The following PLEKHG1 variants were observed in gnomAD, a reference collection of about 807,000 sequenced individuals.
The protein encoded by PLEKHG1 is pleckstrin homology and RhoGEF domain containing G1.
A neutral mutation model predicts 100.8 loss-of-function variants in PLEKHG1; 44 were observed. That is an observed-to-expected ratio of 0.44 (90% CI 0.34 to 0.56). The LOEUF is 0.56. Ranked by LOEUF, PLEKHG1 falls within the 20% of genes least tolerant of loss-of-function variation. The pLI, the probability that PLEKHG1 is intolerant of heterozygous loss-of-function variation, is 0.01. For synonymous variants in PLEKHG1, 640 were observed against 662.5 expected, an observed-to-expected ratio of 0.97 and a Z score of 0.52; for missense variants, 1,545 against 1,720.9, an observed-to-expected ratio of 0.90 and a Z score of 1.81.
At chr6:150,746,962 CT>C (rs1312712833) in intron 2 of PLEKHG1, among the ~76,000 whole-genome samples, 2 of 152,190 alleles carry the variant, frequency 1.3e-5, no homozygotes, top group Non-Finnish European at 2.9e-5. Context: ...TTAGGCTTTG[CT>C]TTTAAGGCAA....
intron 2 of PLEKHG1, among the ~76,000 whole-genome samples, chr6:150,753,425 G>A (rs990347208): frequency 2.0e-5 from 3 of 152,140 alleles, no homozygotes; most frequent in Non-Finnish European, 4.4e-5. Flanking sequence ...GTTTCATAAT[G>A]GGGCTTACGG....
chr6:150,770,799 G>A (rs1394353114), intron 3 of PLEKHG1, among the ~76,000 whole-genome samples: 1 of 152,144 alleles, frequency 6.6e-6, no homozygotes, highest in Non-Finnish European at 1.5e-5. Flanking sequence ...GTCCACTAAT[G>A]GTCCTGTAAC....
At chr6:150,808,112 C>T (rs545900986) in intron 7 of PLEKHG1, among the ~76,000 whole-genome samples, 72 of 152,224 alleles carry the variant, frequency 4.7e-4, no homozygotes, top group African/African-American at 1.6e-3. Flanking sequence ...CTGGAGGTGA[C>T]GGAGGCCCAT....
chr6:150,633,748 G>A (rs1193352525), intron 1 of PLEKHG1, among the ~76,000 whole-genome samples: 2 of 152,158 alleles, frequency 1.3e-5, no homozygotes, highest in East Asian at 3.9e-4. Context: ...AGGAGAGAGG[G>A]AGCGTAGGCT....
rs1316548972 is a variant in PLEKHG1 at position 150,830,556 on chromosome 6, AGTTGATAT to A, written c.1471-22_1471-15del. On this transcript the variant is annotated intron_variant, in intron 14 of 15. Coordinates refer to ENST00000358517, the Ensembl canonical transcript of PLEKHG1. ...TGTCTTCTCCATGGTGCTGTGATTCAGTTGATATGTTTCCATCTTCCTCAGGTTTCTAG... is the reference window on the plus strand; with the variant it reads ...TGTCTTCTCCATGGTGCTGTGATTCAGTTTCCATCTTCCTCAGGTTTCTAG... 6.6e-7 allele frequency: 1 copy of A among 1,525,036 alleles called. No individual in the cohort carries two copies. Among genetic ancestry groups the A allele is most frequent in the Non-Finnish European group, 8.9e-7 (1 of 1,122,422 alleles). 94.5% of individuals were successfully genotyped at this position (1,525,036 alleles called of 1,614,324 possible). A position where few individuals can be genotyped will look rare whatever the true frequency, so the allele number is the denominator to read the frequency against.
intron 3 of PLEKHG1, among the ~76,000 whole-genome samples, chr6:150,781,972 G>T (rs1435293146): frequency 1.3e-5 from 2 of 151,770 alleles, no homozygotes; most frequent in African/African-American, 2.4e-5. Flanking sequence ...TAGAGACAGG[G>T]TTTCGCTGTG....
chr6:150,679,997 AG>A (rs1377396282), intron 3 of PLEKHG1, among the ~76,000 whole-genome samples: 2 of 152,146 alleles, frequency 1.3e-5, no homozygotes, highest in Non-Finnish European at 2.9e-5. Context: ...AAAGTCAGCA[AG>A]GGGGCCAGGA....
intron 10 of PLEKHG1, among the ~76,000 whole-genome samples, chr6:150,810,527 A>AAAGAAAGAAAGAAAGAAAGAAAGAAAAGG (rs1562540240): frequency 1.1e-5 from 1 of 88,060 alleles, no homozygotes; most frequent in Admixed American, 1.0e-4. Context: ...AGAAAGAAAG[A>AAAGAAAGAAAGAAAGAAAGAAAGAAAAGG]AAGAAAGAAA....
rs144602167 is a variant in PLEKHG1 at position 150,739,602 on chromosome 6, A to C, written c.411+5510A>C. ...AGAATGGCTTGAACCTAGGAGGCGG[A>C]GGTTGCAGTGAGCCGAGATCGTGCC... is the stretch of plus-strand genomic sequence containing the variant. On this transcript the variant is annotated intron_variant, in intron 2 of 15. Coordinates refer to ENST00000358517, the Ensembl canonical transcript of PLEKHG1. Among the ~76,000 whole-genome samples, 1,271 of 152,030 alleles carry C rather than the reference A, an allele frequency of 8.4e-3. 21 individuals carry two copies. The highest frequency in any genetic ancestry group is 0.029 in the African/African-American group (1,201 of 41,442).
At chr6:150,644,622 G>A (rs559898738) in intron 2 of PLEKHG1, among the ~76,000 whole-genome samples, 1 of 152,116 alleles carries the variant, frequency 6.6e-6, no homozygotes, top group African/African-American at 2.4e-5. Context: ...GAGCCACTGT[G>A]CCCAGCCGAT....
intron 2 of PLEKHG1, among the ~76,000 whole-genome samples, chr6:150,641,195 G>A (rs1360065093): frequency 6.6e-6 from 1 of 152,154 alleles, no homozygotes; most frequent in Admixed American, 6.5e-5. Context: ...CATGGAGTTA[G>A]AAACTAGAAA....
intron 11 of PLEKHG1, 41 bp downstream of exon 12, chr6:150,818,257 CTGTT>C (rs772400384): frequency 6.4e-5 from 84 of 1,314,746 alleles, no homozygotes; most frequent in African/African-American, 2.2e-4. Flanking sequence ...ATTTCATTGT[CTGTT>C]TGTATCTATC....
chr6:150,800,263 G>C (rs55908163), intron 5 of PLEKHG1, among the ~76,000 whole-genome samples: 1 of 152,070 alleles, frequency 6.6e-6, no homozygotes, highest in African/African-American at 2.4e-5. Context: ...ATGCTCTGAC[G>C]GGGGGCTGGA....
intron 3 of PLEKHG1, among the ~76,000 whole-genome samples, chr6:150,664,970 A>G (rs1380720163): frequency 6.6e-6 from 1 of 152,200 alleles, no homozygotes; most frequent in Non-Finnish European, 1.5e-5. Context: ...AATAAGGCCA[A>G]TAATTGGGCT....
At chr6:150,774,776 C>A (rs2128643728) in intron 3 of PLEKHG1, among the ~76,000 whole-genome samples, 1 of 151,792 alleles carries the variant, frequency 6.6e-6, no homozygotes, top group African/African-American at 2.4e-5. Flanking sequence ...CTTAATCCAC[C>A]CACCTCAGCC....
At chr6:150,818,278 T>G in intron 11 of PLEKHG1, 62 bp downstream of exon 12, 1 of 1,201,382 alleles carries the variant, frequency 8.3e-7, no homozygotes, top group South Asian at 1.3e-5. Flanking sequence ...TATCACATTT[T>G]CTATCTTAAA....
intron 2 of PLEKHG1, among the ~76,000 whole-genome samples, chr6:150,757,862 C>T (rs1237610352): frequency 3.3e-5 from 5 of 152,158 alleles, no homozygotes; most frequent in Admixed American, 3.3e-4. Flanking sequence ...TCCCTCACCC[C>T]CTCCCAACAG....
At chr6:150,635,671 A>G (rs554576447) in intron 1 of PLEKHG1, among the ~76,000 whole-genome samples, 2 of 152,232 alleles carry the variant, frequency 1.3e-5, no homozygotes, top group Non-Finnish European at 2.9e-5. Flanking sequence ...TAGTTGCTAG[A>G]CTCTGGATTT....
chr6:150,707,152 G>A (rs1438425815), intron 3 of PLEKHG1, among the ~76,000 whole-genome samples: 8 of 151,436 alleles, frequency 5.3e-5, no homozygotes, highest in African/African-American at 1.2e-4. Context: ...TTACAGGTGC[G>A]CGCCACCATG....
Sources: allele counts gnomAD v4.1 joint callset (sites outside exome capture counted in the v4.1 genomes callset), GRCh38; gene constraint gnomAD v4.1.1; transcripts MANE v1.5; gene names NCBI Gene and HGNC (gene_info 2026-07-23, HGNC 2026-07-21).